Variants in ARHGAP32 observed in about 807,000 individuals in gnomAD.
The protein encoded by ARHGAP32 is rho GTPase-activating protein 32.
ARHGAP32 carries 51 observed loss-of-function variants against 186.5 expected under a neutral mutation model. That is an observed-to-expected ratio of 0.27 (90% CI 0.22 to 0.35). The LOEUF is 0.35. ARHGAP32 is among the 10% of genes least tolerant of loss of function. The pLI, the probability that ARHGAP32 is intolerant of heterozygous loss-of-function variation, is 1.00. For missense variants in ARHGAP32, 2,186 were observed against 2,623.5 expected (o/e 0.83, Z 3.64); for synonymous variants, 950 against 964.3 (o/e 0.99, Z 0.27).
At chr11:129,023,138 TCA>T (rs1938675009) in intron 11 of ARHGAP32, among the ~76,000 whole-genome samples, 1 of 152,210 alleles carries the variant, frequency 6.6e-6, no homozygotes, top group African/African-American at 2.4e-5. Flanking sequence ...GATTTGTGAT[TCA>T]GAGAAAATTC....
chr11:129,260,489 TTAAA>T (rs1189308472), intron 1 of ARHGAP32, among the ~76,000 whole-genome samples: 1 of 152,140 alleles, frequency 6.6e-6, no homozygotes, highest in Non-Finnish European at 1.5e-5. Context: ...ATAAATATAT[TTAAA>T]TAAGAAATCT....
chr11:129,076,730 A>C (rs1303701358), intron 6 of ARHGAP32, among the ~76,000 whole-genome samples: 1 of 152,194 alleles, frequency 6.6e-6, no homozygotes, highest in Admixed American at 6.5e-5. Context: ...AAAAGAAGAG[A>C]GGAGAAAAAT....
intron 1 of ARHGAP32, among the ~76,000 whole-genome samples, chr11:129,173,096 G>C (rs951534002): frequency 2.1e-5 from 3 of 140,722 alleles, no homozygotes; most frequent in Non-Finnish European, 3.1e-5. Flanking sequence ...AGAGAGAGAA[G>C]AATCAAACAG....
At chr11:129,092,105 G>A (rs1040702712) in intron 6 of ARHGAP32, among the ~76,000 whole-genome samples, 2 of 151,810 alleles carry the variant, frequency 1.3e-5, no homozygotes, top group South Asian at 2.1e-4. Flanking sequence ...ACCAGGAAAC[G>A]AACTATCTAT....
chr11:129,209,440 T>TA (rs535393091), intron 1 of ARHGAP32, among the ~76,000 whole-genome samples: 2 of 149,674 alleles, frequency 1.3e-5, no homozygotes, highest in South Asian at 2.1e-4. Context: ...GTAAGATATA[T>TA]AAAAAAAAGT....
At chr11:129,005,397 C>T (rs1299768387) in intron 11 of ARHGAP32, among the ~76,000 whole-genome samples, 1 of 151,986 alleles carries the variant, frequency 6.6e-6, no homozygotes, top group Non-Finnish European at 1.5e-5. Context: ...CGTTTTCTTT[C>T]TGACTGAAGT....
chr11:129,027,907 G>C (rs7945923), intron 11 of ARHGAP32, among the ~76,000 whole-genome samples: 10 of 151,938 alleles, frequency 6.6e-5, no homozygotes, highest in Non-Finnish European at 1.0e-4. Context: ...GTATGCACTC[G>C]ATAAATTCTT....
chr11:129,257,065 G>A (rs1945264031), intron 1 of ARHGAP32, among the ~76,000 whole-genome samples: 1 of 152,118 alleles, frequency 6.6e-6, no homozygotes, highest in Admixed American at 6.6e-5. Context: ...GGCTACCTCA[G>A]TAGGAAGGGA....
chr11:129,088,731 T>C (rs1186932589), intron 6 of ARHGAP32, among the ~76,000 whole-genome samples: 1 of 152,098 alleles, frequency 6.6e-6, no homozygotes, highest in East Asian at 1.9e-4. Context: ...TTTAATTTGC[T>C]AATTTTTCAT....
intron 10 of ARHGAP32, among the ~76,000 whole-genome samples, chr11:129,052,801 CT>C (rs1940106831): frequency 1.3e-5 from 2 of 151,990 alleles, no homozygotes; most frequent in Non-Finnish European, 2.9e-5. Context: ...AATTACTTTC[CT>C]TTTATTTCTC....
chr11:129,247,283 T>C (rs1945113599), intron 1 of ARHGAP32, among the ~76,000 whole-genome samples: 2 of 152,226 alleles, frequency 1.3e-5, no homozygotes, highest in African/African-American at 4.8e-5. Context: ...TGTTCATCAT[T>C]CAAAGCTGGA....
In ARHGAP32 at chr11:129,123,991, A is replaced by G. The variant is rs1351739031; in HGVS notation, c.318-62T>C. 4.3e-6 allele frequency: 5 copies of G among 1,152,326 alleles called. No individual in the cohort carries two copies. The highest frequency in any genetic ancestry group is 1.4e-5 in the South Asian group (1 of 73,920). 71.4% of individuals were successfully genotyped at this position (1,152,326 alleles called of 1,614,324 possible). A position where few individuals can be genotyped will look rare whatever the true frequency, so the allele number is the denominator to read the frequency against. ...CTCTACTTACACATGAAGCATAACT[A>G]TCTAACTCTACTAAGTGAAAAGATG... On this transcript the variant is annotated intron_variant, in intron 3 of 22. Transcript: ENST00000682385. This position sits in a 1 kb window ranked among gnomAD's most constrained non-coding sequence, Gnocchi z 4.6.
chr11:128,985,858 G>GTGTATATA (rs760311247), intron 15 of ARHGAP32, 145 bp downstream of exon 15: 238 of 95,948 alleles, frequency 2.5e-3, no homozygotes, highest in South Asian at 0.017. Context: ...GTGTGTGTGT[G>GTGTATATA]TATATATATA....
intron 5 of ARHGAP32, among the ~76,000 whole-genome samples, chr11:129,105,299 G>T (rs1226691370): frequency 6.6e-6 from 1 of 152,130 alleles, no homozygotes; most frequent in African/African-American, 2.4e-5. Context: ...CACGCACAGG[G>T]TAGGACACAT....
At chr11:128,971,226 T>C (rs1945362157) in intron 22 of ARHGAP32, 67 bp from the exon 23 acceptor site, 3 of 1,391,984 alleles carry the variant, frequency 2.2e-6, no homozygotes, top group South Asian at 1.4e-5. Context: ...ACTATTAAAT[T>C]TGTAACTCAC....
chr11:129,004,245 C>CTT (rs71057919), intron 11 of ARHGAP32, among the ~76,000 whole-genome samples: 4,417 of 116,338 alleles, frequency 0.038, 137 homozygotes, highest in Non-Finnish European at 0.045. Flanking sequence ...CAATGCTTTC[C>CTT]TTTTTTTTTT....
At chr11:129,246,940 G>C (rs530953377) in intron 1 of ARHGAP32, among the ~76,000 whole-genome samples, 3 of 152,136 alleles carry the variant, frequency 2.0e-5, no homozygotes, top group African/African-American at 7.2e-5. Context: ...TTTGGAACCT[G>C]ATGGTAGCTG....
chr11:129,131,366 G>A (rs762804987), intron 2 of ARHGAP32, among the ~76,000 whole-genome samples: 23 of 151,910 alleles, frequency 1.5e-4, no homozygotes, highest in African/African-American at 3.4e-4. Context: ...TTCTACATTC[G>A]TCTGGAATAG....
intron 11 of ARHGAP32, among the ~76,000 whole-genome samples, chr11:129,029,801 CAAAA>C (rs34762356): frequency 2.1e-5 from 1 of 46,948 alleles, no homozygotes; most frequent in Non-Finnish European, 3.3e-5. Flanking sequence ...GACTCCGTCT[CAAAA>C]AAAAAAAAAA....
Sources: gnomAD v4.1 joint callset for allele counts (sites outside exome capture counted in the v4.1 genomes callset) on GRCh38, gnomAD v4.1.1 for gene constraint, Gnocchi (gnomAD v3.1) non-coding constraint, MANE v1.5 for transcripts, NCBI Gene and HGNC (gene_info 2026-07-23, HGNC 2026-07-21) for gene names.